Variants in CTDSP2 observed in about 807,000 individuals in gnomAD.
CTDSP2 encodes carboxy-terminal domain RNA polymerase II polypeptide A small phosphatase 2.
Under a neutral mutation model 31.6 loss-of-function variants are expected in CTDSP2, and 9 were observed. That is an observed-to-expected ratio of 0.28 (90% CI 0.17 to 0.50). The LOEUF (loss-of-function observed/expected upper bound fraction) is 0.50. CTDSP2 is among the 20% of genes least tolerant of loss of function. The probability of loss-of-function intolerance (pLI) is 0.98; values close to 1 mark genes in which losing one functional copy is unlikely to be tolerated. For missense variants in CTDSP2, 267 were observed against 348.5 expected (o/e 0.77, Z 1.86); for synonymous variants, 134 against 134.5 (o/e 1.00, Z 0.03).
chr12:57,827,525 A>G (rs1169737096), intron 3 of CTDSP2, 27 bp downstream of exon 3: 3 of 1,613,064 alleles, frequency 1.9e-6, no homozygotes, highest in Non-Finnish European at 2.5e-6. Context: ...CTGGCTTCTG[A>G]GTACTTACCA....
intron 6 of CTDSP2, 45 bp from the exon 7 acceptor site, chr12:57,824,134 T>C: frequency 1.2e-6 from 2 of 1,611,212 alleles, no homozygotes; most frequent in South Asian, 2.2e-5. Flanking sequence ...CTCCTGGTCC[T>C]CCTGTATAAC....
rs543090419 is a variant in CTDSP2, at chr12:57,827,827, C to T, written c.214-237G>A. On this transcript the variant is annotated intron_variant, in intron 2 of 7. Transcript: ENST00000398073. ...TGGAGAAGACAAGTGTCCCTGTTCT[C>T]GGCTGCCACTGCCTCTCAACTGGAC... Among the ~76,000 whole-genome samples the T allele has an allele frequency of 7.4e-4, 112 of 152,258 alleles. 1 individual carries two copies. Among genetic ancestry groups the T allele is most frequent in the Middle Eastern group, 3.4e-3 (1 of 294 alleles).
At chr12:57,826,031 C>T (rs1250982627) in intron 5 of CTDSP2, among the ~76,000 whole-genome samples, 2 of 152,068 alleles carry the variant, frequency 1.3e-5, no homozygotes, top group Admixed American at 6.6e-5. Flanking sequence ...ACAGTGCTGG[C>T]CACGTGAGGG....
In CTDSP2 at chr12:57,826,371, A is replaced by G; in HGVS notation, c.386T>C (p.Ile129Thr). The G allele has an allele frequency of 6.2e-7, 1 of 1,614,156 alleles. No individual in the cohort carries two copies. Among genetic ancestry groups the G allele is most frequent in the Non-Finnish European group, 8.5e-7 (1 of 1,180,034 alleles). Residue 129 changes from isoleucine to threonine, a missense_variant, in exon 5 of 8, where the codon ATA becomes ACA. By Grantham distance (89) the Ile-to-Thr change is moderately conservative. Coordinates refer to ENST00000398073, the MANE Select transcript of CTDSP2 (RefSeq NM_005730.4). The part of the protein sequence containing the change: ...PINNADFIVP[I>T]EIEGTTHQVY... ...CTGGTGAGTGGTCCCCTCAATCTCTATAGGCACTATGAAGTCAGCATTGTT... is the reference window on the plus strand; with the variant it reads ...CTGGTGAGTGGTCCCCTCAATCTCTGTAGGCACTATGAAGTCAGCATTGTT...
intron 5 of CTDSP2, among the ~76,000 whole-genome samples, chr12:57,825,028 A>T (rs950263371): frequency 2.6e-5 from 4 of 151,566 alleles, no homozygotes; most frequent in East Asian, 1.9e-4. Context: ...TTATTTACTT[A>T]TTTTTTTTAG....
At chr12:57,839,446 C>T (rs546895467) in intron 1 of CTDSP2, among the ~76,000 whole-genome samples, 15 of 152,304 alleles carry the variant, frequency 9.8e-5, no homozygotes, top group East Asian at 3.9e-4. Flanking sequence ...AGGCCGGGCA[C>T]GGTGGCTCAA....
At chr12:57,844,885 C>T (rs962563262) in intron 1 of CTDSP2, among the ~76,000 whole-genome samples, 35 of 152,090 alleles carry the variant, frequency 2.3e-4, no homozygotes, top group Admixed American at 1.6e-3. Context: ...GCAAGAGGAA[C>T]ACACTGCCTC....
At chr12:57,845,953 G>A (rs753341916) in intron 1 of CTDSP2, among the ~76,000 whole-genome samples, 2 of 152,150 alleles carry the variant, frequency 1.3e-5, no homozygotes, top group African/African-American at 2.4e-5. Context: ...TCTCGGTTCC[G>A]TTCCACCTGG....
chr12:57,824,084 G>C lies in CTDSP2; in HGVS notation c.510C>G (p.Ala170=). 6.2e-7 allele frequency: 1 copy of C among 1,613,854 alleles called. No individual in the cohort carries two copies. Among genetic ancestry groups the C allele is most frequent in the Non-Finnish European group, 8.5e-7 (1 of 1,179,920 alleles). The change falls in exon 7 of 8, where the codon GCC becomes GCG. Residue 170 remains alanine (A), a synonymous_variant. Transcript: ENST00000398073. The part of the protein sequence containing the change: ...VLFTASLAKY[A]DPVTDLLDRC... ...GGTCCAGCAGGTCTGTCACAGGGTC[G>C]GCATACTAGGAGGAGAGAAGATGCC...
At chr12:57,843,499 C>G (rs1016424882) in intron 1 of CTDSP2, among the ~76,000 whole-genome samples, 2 of 151,416 alleles carry the variant, frequency 1.3e-5, no homozygotes, top group Non-Finnish European at 2.9e-5. Context: ...CGCACCCAGA[C>G]AGCCTTAAAC....
chr12:57,835,345 T>C (rs1406845244), intron 1 of CTDSP2, among the ~76,000 whole-genome samples: 1 of 148,126 alleles, frequency 6.8e-6, no homozygotes, highest in East Asian at 2.0e-4. Flanking sequence ...AAAAAAGGGA[T>C]GAGGTCTCAC....
chr12:57,826,046 G>A (rs1378381123), intron 5 of CTDSP2, among the ~76,000 whole-genome samples: 2 of 152,206 alleles, frequency 1.3e-5, no homozygotes, highest in African/African-American at 4.8e-5. Flanking sequence ...TGAGGGGATG[G>A]TGGTTAACAA....
chr12:57,840,458 T>G (rs547103204), intron 1 of CTDSP2, among the ~76,000 whole-genome samples: 1 of 152,302 alleles, frequency 6.6e-6, no homozygotes, highest in African/African-American at 2.4e-5. Context: ...CTATGTGACG[T>G]GAGTCAGAAA....
intron 1 of CTDSP2, among the ~76,000 whole-genome samples, chr12:57,831,344 T>C (rs112739479): frequency 0.021 from 3,176 of 151,986 alleles, 106 homozygotes; most frequent in African/African-American, 0.073. Flanking sequence ...TCCCAGCCAC[T>C]TGGGAGGCTG....
chr12:57,835,570 T>C (rs547977136), intron 1 of CTDSP2, among the ~76,000 whole-genome samples: 1 of 152,334 alleles, frequency 6.6e-6, no homozygotes, highest in South Asian at 2.1e-4. Context: ...TGCTACCCTC[T>C]GCGGACACCC....
chr12:57,823,532 A>T lies in CTDSP2; in HGVS notation c.*70T>A. On this transcript the variant is annotated 3_prime_UTR_variant, in exon 8 of 8. Coordinates refer to ENST00000398073, the MANE Select transcript of CTDSP2 (RefSeq NM_005730.4). ...GAGGCACTCCAGCTTCTACTCTGTC[A>T]CGCTGATCGTAAAGGCACAGTGTGG... 6.4e-7 allele frequency: 1 copy of T among 1,573,566 alleles called. No individual in the cohort carries two copies. The highest frequency in any genetic ancestry group is 8.6e-7 in the Non-Finnish European group (1 of 1,157,604).
chr12:57,845,980 T>C (rs1956313120), intron 1 of CTDSP2, among the ~76,000 whole-genome samples: 1 of 152,044 alleles, frequency 6.6e-6, no homozygotes, highest in African/African-American at 2.4e-5. Context: ...CTCTGTCACC[T>C]TCCTAACCCC....
rs1476105584 is a variant in CTDSP2 at position 57,821,556 on chromosome 12, T to G, written c.*2046A>C. On this transcript the variant is annotated 3_prime_UTR_variant, in exon 8 of 8. Transcript: ENST00000398073. ...GACGGCAAAAGATTTGGCCAAGGGC[T>G]AACCCTTAGGGTGGGGCTTGGAAGA... 3 of 152,660 alleles carry G rather than the reference T, an allele frequency of 2.0e-5. No homozygotes were observed. The highest frequency in any genetic ancestry group is 2.9e-5 in the Non-Finnish European group (2 of 68,064). 9.5% of individuals were successfully genotyped at this position (152,660 alleles called of 1,614,324 possible).
intron 1 of CTDSP2, among the ~76,000 whole-genome samples, chr12:57,839,931 T>C (rs2140483757): frequency 6.6e-6 from 1 of 152,144 alleles, no homozygotes; most frequent in South Asian, 2.1e-4. Context: ...CTATGGCAAG[T>C]ACTCTATAAA....
Sources: allele counts gnomAD v4.1 joint callset (sites outside exome capture counted in the v4.1 genomes callset), GRCh38; gene constraint gnomAD v4.1.1; transcripts MANE v1.5; gene names NCBI Gene and HGNC (gene_info 2026-07-23, HGNC 2026-07-21).